The following MSL2 variants were observed in gnomAD, a reference collection of about 807,000 sequenced individuals.
MSL2 encodes the protein MSL complex subunit 2.
A neutral mutation model predicts 35.8 loss-of-function variants in MSL2; 2 were observed. The ratio of observed to expected loss-of-function variants is 0.06; its 90% CI spans 0.02 to 0.18. MSL2 has a LOEUF of 0.18. Ranked by LOEUF, MSL2 falls within the 10% of genes least tolerant of loss-of-function variation. The probability of loss-of-function intolerance (pLI) is 1.00; values close to 1 mark genes in which losing one functional copy is unlikely to be tolerated. For synonymous variants in MSL2, 296 were observed against 255.7 expected (o/e 1.16, Z -1.50); for missense variants, 523 against 706.7 (o/e 0.74, Z 2.95).
chr3:136,154,216 A>C (rs1939454361), intron 1 of MSL2, among the ~76,000 whole-genome samples: 1 of 152,208 alleles, frequency 6.6e-6, no homozygotes, highest in Admixed American at 6.5e-5. Context: ...ATTATATTTA[A>C]ACTTATTAAA....
chr3:136,193,201 T>C (rs918539892), intron 1 of MSL2, among the ~76,000 whole-genome samples: 4 of 152,328 alleles, frequency 2.6e-5, no homozygotes, highest in East Asian at 1.9e-4. Context: ...AGGTTAGAAC[T>C]TGGGAAAATG....
chr3:136,191,292 C>A (rs1021796273), intron 1 of MSL2, among the ~76,000 whole-genome samples: 4 of 151,866 alleles, frequency 2.6e-5, no homozygotes, highest in Admixed American at 2.0e-4. Flanking sequence ...CATGGTGAAA[C>A]CCCGTCTCTA....
At position 136,176,509 on chromosome 3, in the gene MSL2, C is replaced by T. The variant is rs1284809931; in HGVS notation, c.142+18463G>A. Among the ~76,000 whole-genome samples the T allele has an allele frequency of 2.9e-5, 4 of 137,624 alleles. No homozygotes were observed. In the South Asian group the frequency reaches 9.2e-4, roughly 32 times the overall value. 90.3% of individuals were successfully genotyped at this position (137,624 alleles called of 152,430 possible). On this transcript the variant is annotated intron_variant, in intron 1 of 1. Coordinates refer to ENST00000309993, the MANE Select transcript of MSL2 (RefSeq NM_018133.4). Reference sequence around the variant, plus strand: ...CAGCCTGGGCAACCAGAATGAGACCCTCTCTCAAAAAAAAAAAAAAAAAAA... The same window carrying T: ...CAGCCTGGGCAACCAGAATGAGACCTTCTCTCAAAAAAAAAAAAAAAAAAA...
intron 1 of MSL2, among the ~76,000 whole-genome samples, chr3:136,190,572 T>C (rs552480494): frequency 6.6e-6 from 1 of 152,078 alleles, no homozygotes; most frequent in African/African-American, 2.4e-5. Flanking sequence ...AATATTCATG[T>C]TCCCGAGTTT....
chr3:136,170,060 T>C (rs1174651836), intron 1 of MSL2, among the ~76,000 whole-genome samples: 29 of 118,550 alleles, frequency 2.4e-4, no homozygotes, highest in Non-Finnish European at 4.0e-4. Flanking sequence ...AAAAAAAAAA[T>C]CAGCGGGGCG....
At chr3:136,168,188 G>C (rs1004372787) in intron 1 of MSL2, among the ~76,000 whole-genome samples, 1 of 151,998 alleles carries the variant, frequency 6.6e-6, no homozygotes, top group Admixed American at 6.6e-5. Context: ...AAGATTAGCT[G>C]GGTAATGAAG....
intron 1 of MSL2, chr3:136,153,048 A>G (rs754374896): frequency 3.0e-6 from 3 of 985,398 alleles, no homozygotes; most frequent in Non-Finnish European, 3.6e-6. Flanking sequence ...AAAGAGGTGA[A>G]GATCAGACAC....
In MSL2 at chr3:136,151,136, G is replaced by A; in HGVS notation, c.*11C>T. 1.9e-6 allele frequency: 3 copies of A among 1,603,884 alleles called. No individual in the cohort carries two copies. Among genetic ancestry groups the A allele is most frequent in the Non-Finnish European group, 2.6e-6 (3 of 1,171,578 alleles). ...TTCCCTACCAGGAGTAGGTTTAAAA[G>A]ACCCACTGATTTAACAGTCGAATCT... On this transcript the variant is annotated 3_prime_UTR_variant, in exon 2 of 2. Coordinates refer to ENST00000309993, the MANE Select transcript of MSL2 (RefSeq NM_018133.4). The surrounding 1 kb of genome is among the most constrained non-coding windows in gnomAD (Gnocchi z 5.2).
chr3:136,163,687 G>C (rs1395534474), intron 1 of MSL2, among the ~76,000 whole-genome samples: 2 of 152,170 alleles, frequency 1.3e-5, no homozygotes, highest in Admixed American at 6.5e-5. Context: ...ATCTCATCTT[G>C]AATTGTAATC....
At chr3:136,175,456 C>G (rs570182747) in intron 1 of MSL2, among the ~76,000 whole-genome samples, 63 of 151,942 alleles carry the variant, frequency 4.1e-4, no homozygotes, top group Non-Finnish European at 6.6e-4. Flanking sequence ...GAGGCTGGGG[C>G]AGGAGGATCA....
chr3:136,194,704 T>A, intron 1 of MSL2: 1 of 433,522 alleles, frequency 2.3e-6, no homozygotes, highest in Non-Finnish European at 3.9e-6. Context: ...TTACCCCCAC[T>A]TAAACCACCA....
At chr3:136,155,953 T>C in intron 1 of MSL2, 1 of 490,522 alleles carries the variant, frequency 2.0e-6, no homozygotes, top group Non-Finnish European at 4.1e-6. Flanking sequence ...TGTCTGCATG[T>C]ACCACTCTTA....
intron 1 of MSL2, among the ~76,000 whole-genome samples, chr3:136,171,371 A>G (rs1327068209): frequency 2.0e-5 from 3 of 151,966 alleles, no homozygotes; most frequent in African/African-American, 4.8e-5. Flanking sequence ...AAGCTGAATG[A>G]CTCCTTAGGG....
chr3:136,160,603 A>G (rs1939682163), intron 1 of MSL2, among the ~76,000 whole-genome samples: 1 of 151,584 alleles, frequency 6.6e-6, no homozygotes, highest in South Asian at 2.1e-4. Flanking sequence ...CCAGCTACTC[A>G]GGAGGCTGAG....
At chr3:136,179,353 T>C (rs756028536) in intron 1 of MSL2, among the ~76,000 whole-genome samples, 2 of 152,060 alleles carry the variant, frequency 1.3e-5, no homozygotes, top group Non-Finnish European at 1.5e-5. Flanking sequence ...TCCTTAATGT[T>C]TTATTTTCTG....
rs143395594 is a variant in MSL2 at position 136,165,315 on chromosome 3, T to C, written c.143-12577A>G. ...GACATATAACTAAACGAATGATATT[T>C]ATGTGCTCTGTCTAAACAAATAATG... On this transcript the variant is annotated intron_variant, in intron 1 of 1. Coordinates refer to ENST00000309993, the MANE Select transcript of MSL2 (RefSeq NM_018133.4). 1.2e-3 allele frequency among the ~76,000 whole-genome samples: 187 copies of C among 152,298 alleles called. 5 individuals are homozygous for C. The East Asian group carries it at 0.028, about 23-fold the overall frequency.
intron 1 of MSL2, among the ~76,000 whole-genome samples, chr3:136,190,686 A>G (rs990158366): frequency 2.6e-5 from 4 of 152,208 alleles, no homozygotes; most frequent in Non-Finnish European, 5.9e-5. Context: ...GACTTGTTAC[A>G]TCATTTGAAG....
chr3:136,170,840 A>T (rs144981695), intron 1 of MSL2, among the ~76,000 whole-genome samples: 1 of 152,254 alleles, frequency 6.6e-6, no homozygotes, highest in East Asian at 1.9e-4. Context: ...AGGCCAAAAA[A>T]GAATACAAGC....
At position 136,189,874 on chromosome 3, in the gene MSL2, G is replaced by C. The variant is rs187806215; in HGVS notation, c.142+5098C>G. On this transcript the variant is annotated intron_variant, in intron 1 of 1. Transcript: ENST00000309993. Reference sequence around the variant, plus strand: ...TCTACACAAATAAATGCGCTTTCATGGTTAATTTCTGAAACTTTACATGTA... The same window carrying C: ...TCTACACAAATAAATGCGCTTTCATCGTTAATTTCTGAAACTTTACATGTA... 2.0e-5 allele frequency among the ~76,000 whole-genome samples: 3 copies of C among 151,976 alleles called. No individual in the cohort carries two copies. In the South Asian group the frequency reaches 6.2e-4, roughly 32 times the overall value.
Sources: gnomAD v4.1 joint callset for allele counts (sites outside exome capture counted in the v4.1 genomes callset) on GRCh38, gnomAD v4.1.1 for gene constraint, Gnocchi (gnomAD v3.1) non-coding constraint, MANE v1.5 for transcripts, NCBI Gene and HGNC (gene_info 2026-07-23, HGNC 2026-07-21) for gene names.